Variants in CACNA1G observed in about 807,000 individuals in gnomAD.
CACNA1G encodes calcium voltage-gated channel subunit alpha1 G, also known as voltage-dependent T-type calcium channel subunit alpha-1G.
CACNA1G carries 67 observed loss-of-function variants against 219.4 expected under a neutral mutation model. The observed-to-expected ratio is 0.31, with a 90% CI of 0.25 to 0.37. CACNA1G has a LOEUF of 0.37. CACNA1G is among the 10% of genes least tolerant of loss of function. CACNA1G has a pLI of 1.00. For synonymous variants in CACNA1G, 1,296 were observed against 1,345.3 expected, an observed-to-expected ratio of 0.96 and a Z score of 0.80; for missense variants, 2,380 against 3,231.4, an observed-to-expected ratio of 0.74 and a Z score of 6.39.
In CACNA1G at chr17:50,578,474, A is replaced by G; in HGVS notation, c.2211A>G (p.Arg737=). The change falls in exon 9 of 38, where the codon CGA becomes CGG. Residue 737 remains arginine, a synonymous_variant. Coordinates refer to ENST00000359106, the MANE Select transcript of CACNA1G (RefSeq NM_018896.5). This position sits in a 1 kb window ranked among gnomAD's most constrained non-coding sequence, Gnocchi z 4.5. ...GGAGGCTAATCTGTGACACCTTCCGAAAGATTGTGGACAGCAAGTACTTTG... is the reference window on the plus strand; with the variant it reads ...GGAGGCTAATCTGTGACACCTTCCGGAAGATTGTGGACAGCAAGTACTTTG... ...AFWRLICDTF[R]KIVDSKYFGR... The G allele has an allele frequency of 6.3e-7, 1 of 1,595,942 alleles. No homozygotes were observed. The highest frequency in any genetic ancestry group is 1.3e-5 in the African/African-American group (1 of 74,280).
intron 19 of CACNA1G, among the ~76,000 whole-genome samples, chr17:50,601,495 G>T (rs2046626480): frequency 1.3e-5 from 2 of 152,246 alleles, no homozygotes; most frequent in African/African-American, 2.4e-5. Flanking sequence ...GCTGTGTGCA[G>T]ATGGGGAGGC....
chr17:50,599,232 G>T (rs543423004), intron 16 of CACNA1G, among the ~76,000 whole-genome samples, 196 bp from the exon 17 acceptor site: 61 of 152,330 alleles, frequency 4.0e-4, no homozygotes, highest in African/African-American at 1.4e-3. Flanking sequence ...GCACAGAGAG[G>T]CTTAATAACT....
chr17:50,561,650 T>C lies in CACNA1G; in HGVS notation c.191T>C (p.Leu64Ser). ...CTGGCCCCGGTGGTTTTCTTCTACTTGAGCCAGGACAGCCGCCCGCGGAGC... is the reference window on the plus strand; with the variant it reads ...CTGGCCCCGGTGGTTTTCTTCTACTCGAGCCAGGACAGCCGCCCGCGGAGC... ...PALAPVVFFY[L>S]SQDSRPRSWC... Residue 64 changes from leucine (L) to serine (S), a missense_variant, in exon 1 of 38, where the codon TTG becomes TCG. Leu to Ser is a moderately radical substitution (Grantham distance 145, BLOSUM62 -2). Coordinates refer to ENST00000359106, the MANE Select transcript of CACNA1G (RefSeq NM_018896.5). 1 of 1,607,294 alleles carries C rather than the reference T, an allele frequency of 6.2e-7. No homozygotes were observed.
In CACNA1G at chr17:50,624,020, C is replaced by G; in HGVS notation, c.6174C>G (p.Ser2058Arg). Reference sequence around the variant, plus strand: ...ACAGCTACATGTGTCGGCATGGGAGCACTGCCGAGGGGCCCCTGGGACACA... The same window carrying G: ...ACAGCTACATGTGTCGGCATGGGAGGACTGCCGAGGGGCCCCTGGGACACA... ...PNDSYMCRHGSTAEGPLGHRG... is the reference protein window; with the variant it reads ...PNDSYMCRHGRTAEGPLGHRG... The change falls in exon 36 of 38, where the codon AGC becomes AGG. Residue 2058 changes from serine (S) to arginine (R), a missense_variant. By Grantham distance (110) the Ser-to-Arg change is moderately radical (BLOSUM62 -1). Transcript: ENST00000359106. 1 of 1,613,154 alleles carries G rather than the reference C, an allele frequency of 6.2e-7. No homozygotes were observed. Among genetic ancestry groups the G allele is most frequent in the Non-Finnish European group, 8.5e-7 (1 of 1,179,826 alleles).
chr17:50,609,129 AG>A (rs1364208376), intron 25 of CACNA1G, among the ~76,000 whole-genome samples: 1 of 152,030 alleles, frequency 6.6e-6, no homozygotes, highest in African/African-American at 2.4e-5. Context: ...CAAATGAGTG[AG>A]GGGTTGCCGT....
Position 50,569,823 on chromosome 17 carries a change from T to A in CACNA1G, c.586+20T>A. ...TGCCCAGTGAGTGACCCCTCAGCCC[T>A]CAGCCCCTGAAGAGAGCCCCAGGAG... On this transcript the variant is annotated intron_variant, in intron 4 of 37. Transcript: ENST00000359106. The A allele has an allele frequency of 6.5e-7, 1 of 1,534,054 alleles. No homozygotes were observed. The highest frequency in any genetic ancestry group is 1.2e-5 in the South Asian group (1 of 83,792).
intron 33 of CACNA1G, 138 bp from the exon 34 acceptor site, chr17:50,619,544 AT>A (rs1393960293): frequency 1.6e-6 from 1 of 611,540 alleles, no homozygotes. Context: ...GTGTGTGCAC[AT>A]GTGCATGTGT....
At position 50,569,574 on chromosome 17, in the gene CACNA1G, G is replaced by A; in HGVS notation, c.489-132G>A. 4.3e-6 allele frequency: 3 copies of A among 701,368 alleles called. No individual in the cohort carries two copies. The East Asian group carries it at 8.2e-5, about 19-fold the overall frequency. The allele number at this position is 701,368 out of a possible 1,614,324, so 43.4% of individuals were successfully genotyped here. ...CCCAGACAGAGAGCCGGATCTTCAGGGTCCCTTGGTGAAGAAGAAGAAGGA... is the reference window on the plus strand; with the variant it reads ...CCCAGACAGAGAGCCGGATCTTCAGAGTCCCTTGGTGAAGAAGAAGAAGGA... On this transcript the variant is annotated intron_variant, in intron 3 of 37. Transcript: ENST00000359106.
chr17:50,604,426 C>A, intron 22 of CACNA1G, 145 bp downstream of exon 22: 2 of 1,055,262 alleles, frequency 1.9e-6, no homozygotes, highest in Non-Finnish European at 2.7e-6. Flanking sequence ...AGGCTCTAGG[C>A]CCTTTTACCT....
At chr17:50,563,927 T>C (rs978320755) in intron 1 of CACNA1G, 1 of 152,228 alleles carries the variant, frequency 6.6e-6, no homozygotes, top group Non-Finnish European at 1.5e-5. Context: ...CCTCCCTCTT[T>C]CTCTTTGTGG....
rs1459820426 is a variant in CACNA1G at position 50,618,095 on chromosome 17, A to G, written c.5274A>G (p.Ala1758=). The G allele has an allele frequency of 2.5e-6, 4 of 1,613,884 alleles. No homozygotes were observed. The highest frequency in any genetic ancestry group is 3.3e-5 in the Admixed American group (2 of 60,016). The change falls in exon 31 of 38, where the codon GCA becomes GCG. Residue 1758 remains alanine (A), a synonymous_variant. Coordinates refer to ENST00000359106, the MANE Select transcript of CACNA1G (RefSeq NM_018896.5). This position sits in a 1 kb window ranked among gnomAD's most constrained non-coding sequence, Gnocchi z 5.3. The stretch of plus-strand genomic sequence containing the variant: ...TCATGTTGTTGTTTTTCATCTTTGC[A>G]GCTCTGGGCGTGGAGCTCTTTGGAG... ...LLFMLLFFIF[A]ALGVELFGDL...
rs964864554 is a variant in CACNA1G, at chr17:50,600,127, G to T, written c.3690+268G>T. On this transcript the variant is annotated intron_variant, in intron 17 of 37. Coordinates refer to ENST00000359106, the MANE Select transcript of CACNA1G (RefSeq NM_018896.5). The surrounding 1 kb of genome is among the most constrained non-coding windows in gnomAD (Gnocchi z 4.1). Reference sequence around the variant, plus strand: ...GACAGATGTGTATGAATCTTTCATGGCCCTCCCCCTGTGACTCAGAAAGAC... The same window carrying T: ...GACAGATGTGTATGAATCTTTCATGTCCCTCCCCCTGTGACTCAGAAAGAC... Among the ~76,000 whole-genome samples, 2 of 152,124 alleles carry T rather than the reference G, an allele frequency of 1.3e-5. No individual in the cohort carries two copies. Among genetic ancestry groups the T allele is most frequent in the Non-Finnish European group, 2.9e-5 (2 of 68,016 alleles).
At chr17:50,619,147 G>T in intron 33 of CACNA1G, 139 bp downstream of exon 33, 2 of 672,712 alleles carry the variant, frequency 3.0e-6, no homozygotes, top group African/African-American at 1.8e-5. Flanking sequence ...TGGATGCTGA[G>T]CGAGCAGTCA....
Position 50,561,413 on chromosome 17 carries a change from G to A in CACNA1G, c.-47G>A. 6.5e-7 allele frequency: 1 copy of A among 1,532,680 alleles called. No homozygotes were observed. The highest frequency in any genetic ancestry group is 1.2e-5 in the South Asian group (1 of 83,912). The allele number at this position is 1,532,680 out of a possible 1,614,324, so 94.9% of individuals were successfully genotyped here. ...CGTGAGGACACCTCCTCTGAGGGGCGCCGCTTGCCCCTCTCCGGATCGCCC... is the reference window on the plus strand; with the variant it reads ...CGTGAGGACACCTCCTCTGAGGGGCACCGCTTGCCCCTCTCCGGATCGCCC... On this transcript the variant is annotated 5_prime_UTR_variant, in exon 1 of 38. Transcript: ENST00000359106.
intron 26 of CACNA1G, 65 bp downstream of exon 26, chr17:50,610,000 C>T (rs911711003): frequency 2.0e-5 from 30 of 1,487,604 alleles, no homozygotes; most frequent in African/African-American, 1.4e-5. Context: ...CCCCGTGGCT[C>T]ATTGATTCTA....
In CACNA1G at chr17:50,571,991, G is replaced by T; in HGVS notation, c.700G>T (p.Ala234Ser). 6.2e-7 allele frequency: 1 copy of T among 1,613,972 alleles called. No individual in the cohort carries two copies. Among genetic ancestry groups the T allele is most frequent in the Non-Finnish European group, 8.5e-7 (1 of 1,179,852 alleles). Residue 234 changes from alanine (A) to serine (S), a missense_variant, in exon 5 of 38, where the codon GCA becomes TCA. Physicochemically the swap from Ala to Ser is moderately conservative, Grantham distance 99. Transcript: ENST00000359106. The surrounding 1 kb of genome is among the most constrained non-coding windows in gnomAD (Gnocchi z 4.3). The part of the protein sequence containing the change: ...IFGIVGVQLW[A>S]GLLRNRCFLP... ...CGGCATCGTCGGCGTCCAGCTGTGGGCAGGGCTGCTTCGGAACCGATGCTT... is the reference window on the plus strand; with the variant it reads ...CGGCATCGTCGGCGTCCAGCTGTGGTCAGGGCTGCTTCGGAACCGATGCTT...
At chr17:50,590,923 G>A (rs1598364959) in intron 10 of CACNA1G, among the ~76,000 whole-genome samples, 1 of 152,090 alleles carries the variant, frequency 6.6e-6, no homozygotes, top group Non-Finnish European at 1.5e-5. Context: ...CCAGGCCTGG[G>A]ATGGGCGAGG....
rs780332605 is a variant in CACNA1G, at chr17:50,578,269, A to C, written c.2006A>C (p.Tyr669Ser). The stretch of plus-strand genomic sequence containing the variant: ...GCCTGTGGTCCAGACAGCTGCCCCT[A>C]CTGTGCCCGGGCCGGGGCAGGGGAG... ...SGACGPDSCPYCARAGAGEVE... is the reference protein window; with the variant it reads ...SGACGPDSCPSCARAGAGEVE... Residue 669 changes from tyrosine to serine, a missense_variant, in exon 9 of 38, where the codon TAC (tyrosine) becomes TCC (serine). By Grantham distance (144) the Tyr-to-Ser change is moderately radical (BLOSUM62 -2). Around this residue, in one of 17 missense-constraint regions of CACNA1G, gnomAD observed 434 missense variants for 417.3 expected, o/e 1.04. Coordinates refer to ENST00000359106, the MANE Select transcript of CACNA1G (RefSeq NM_018896.5). The surrounding 1 kb of genome is among the most constrained non-coding windows in gnomAD (Gnocchi z 4.5). 2 of 1,612,732 alleles carry C rather than the reference A, an allele frequency of 1.2e-6. No homozygotes were observed. The highest frequency in any genetic ancestry group is 1.7e-6 in the Non-Finnish European group (2 of 1,179,680).
rs1341427910 is a variant in CACNA1G, at chr17:50,619,797, G to A, written c.5896G>A (p.Ala1966Thr). The change falls in exon 34 of 38, where the codon GCC (alanine) becomes ACC (threonine). Residue 1966 changes from alanine (A) to threonine (T), a missense_variant. Ala to Thr is a moderately conservative substitution (Grantham distance 58). This residue lies in a region of CACNA1G where 672 missense variants were observed against 670.5 expected (regional missense o/e 1.00). Coordinates refer to ENST00000359106, the MANE Select transcript of CACNA1G (RefSeq NM_018896.5). ...PGGQPSAFPSAPSLGGSDPQI... is the reference protein window; with the variant it reads ...PGGQPSAFPSTPSLGGSDPQI... ...GGGCCAGCCCTCTGCCTTCCCTTCT[G>A]CCCCCAGCCTGGGAGGCTCCGACCC... 2 of 1,606,196 alleles carry A rather than the reference G, an allele frequency of 1.2e-6. No homozygotes were observed. Among genetic ancestry groups the A allele is most frequent in the African/African-American group, 2.7e-5 (2 of 74,812 alleles).
Sources: gnomAD v4.1 joint callset for allele counts (sites outside exome capture counted in the v4.1 genomes callset) on GRCh38, gnomAD v4.1.1 for gene constraint, gnomAD v4.1.1 regional missense constraint, Gnocchi (gnomAD v3.1) non-coding constraint, MANE v1.5 for transcripts, NCBI Gene and HGNC (gene_info 2026-07-23, HGNC 2026-07-21) for gene names.